GCNT4: variants seen among roughly 807,000 people sequenced by gnomAD.
GCNT4 encodes the protein glucosaminyl (N-acetyl) transferase 4, also known as beta-1,3-galactosyl-O-glycosyl-glycoprotein beta-1,6-N-acetylglucosaminyltransferase 4.
GCNT4 carries 17 observed loss-of-function variants against 31.3 expected under a neutral mutation model. The observed-to-expected ratio is 0.54, with a 90% CI of 0.37 to 0.81. The LOEUF (loss-of-function observed/expected upper bound fraction) is 0.81, where lower values mean the gene tolerates loss of function less well. Ranked by LOEUF, GCNT4 falls within the 40% of genes least tolerant of loss-of-function variation. GCNT4 has a pLI of 0.00. For synonymous variants in GCNT4, 158 were observed against 190.6 expected (o/e 0.83, Z 1.41); for missense variants, 503 against 525.5 (o/e 0.96, Z 0.42).
intron 3 of GCNT4, among the ~76,000 whole-genome samples, chr5:75,045,116 T>C (rs879867106): frequency 6.6e-6 from 1 of 152,234 alleles, no homozygotes; most frequent in African/African-American, 2.4e-5. Flanking sequence ...TATTCTTTTT[T>C]TCTATTATGG....
chr5:75,030,168 T>C, intron 3 of GCNT4, 130 bp from the exon 4 acceptor site: 3 of 821,638 alleles, frequency 3.7e-6, no homozygotes, highest in Admixed American at 2.8e-5. Flanking sequence ...ACAAGGTTTT[T>C]ACCCTTGAAA....
intron 2 of GCNT4, among the ~76,000 whole-genome samples, chr5:75,050,177 C>A (rs558157771): frequency 6.6e-6 from 1 of 152,200 alleles, no homozygotes; most frequent in Non-Finnish European, 1.5e-5. Context: ...ATCTCTGTTG[C>A]GTGATTATCA....
Position 75,029,386 on chromosome 5 carries a change from T to C in GCNT4, c.652A>G (p.Ile218Val), listed in dbSNP as rs773936114. Reference protein sequence around the residue: ...NCLSDLLKSSIQWKYVINLCG... With the variant: ...NCLSDLLKSSVQWKYVINLCG... ...AAGTTGATAACATATTTCCACTGGA[T>C]TGAAGACTTCAGAAGGTCCGACAAG... Residue 218 changes from isoleucine to valine, a missense_variant, in exon 4 of 4, where the codon ATC becomes GTC. Ile to Val is a conservative substitution (Grantham distance 29). Coordinates refer to ENST00000652361, the MANE Select transcript of GCNT4 (RefSeq NM_001366737.1). 30 of 1,614,074 alleles carry C rather than the reference T, an allele frequency of 1.9e-5. No individual in the cohort carries two copies. The highest frequency in any genetic ancestry group is 2.4e-5 in the Non-Finnish European group (28 of 1,180,046).
At chr5:75,046,313 A>G (rs2149975276) in intron 3 of GCNT4, among the ~76,000 whole-genome samples, 1 of 152,314 alleles carries the variant, frequency 6.6e-6, no homozygotes, top group Non-Finnish European at 1.5e-5. Context: ...CCACTGAGGT[A>G]GAATGTGGGG....
chr5:75,034,899 C>A (rs1319265845), intron 3 of GCNT4, among the ~76,000 whole-genome samples: 1 of 152,214 alleles, frequency 6.6e-6, no homozygotes, highest in Non-Finnish European at 1.5e-5. Context: ...CACAGAGGTG[C>A]ACCCCAGCTA....
the GCNT4 span, among the ~76,000 whole-genome samples, chr5:75,020,274 C>T: frequency 2.6e-5 from 4 of 152,302 alleles, no homozygotes; most frequent in African/African-American, 9.6e-5. Context: ...TTTGGCATGG[C>T]ACGGCACGGC....
In GCNT4 at chr5:75,026,371, G is replaced by A. The variant is rs565268975; in HGVS notation, c.*2305C>T. 2 of 152,214 alleles carry A rather than the reference G, an allele frequency of 1.3e-5. No homozygotes were observed. Among genetic ancestry groups the A allele is most frequent in the South Asian group, 4.1e-4 (2 of 4,826 alleles). The allele number at this position is 152,214 out of a possible 1,614,324, so 9.4% of individuals were successfully genotyped here. The stretch of plus-strand genomic sequence containing the variant: ...GTATTTGTAGCCCCATTCTCAATGT[G>A]TCACTGTACCAACCTGTAACCCTAT... On this transcript the variant is annotated 3_prime_UTR_variant, in exon 4 of 4. Coordinates refer to ENST00000652361, the MANE Select transcript of GCNT4 (RefSeq NM_001366737.1).
chr5:75,035,658 CCCA>C (rs1743180062), intron 3 of GCNT4, among the ~76,000 whole-genome samples: 1 of 152,210 alleles, frequency 6.6e-6, no homozygotes, highest in Non-Finnish European at 1.5e-5. Flanking sequence ...GGTGTGACCT[CCCA>C]ACCGGGGTCT....
At position 75,029,816 on chromosome 5, in the gene GCNT4, C is replaced by G. The variant is rs200357929; in HGVS notation, c.222G>C (p.Ser74=). 10 of 1,613,924 alleles carry G rather than the reference C, an allele frequency of 6.2e-6. No homozygotes were observed. In the African/African-American group the frequency reaches 1.3e-4, roughly 22 times the overall value. ...KDEVRYEVNC[S]GIYEQEPLEI... ...CCAAAGGCTCCTGTTCATAGATACC[C>G]GAACAGTTAACTTCATACCTGACTT... Residue 74 remains serine (S), a synonymous_variant, in exon 4 of 4, where the codon TCG becomes TCC. Transcript: ENST00000652361.
chr5:75,051,843 C>A (rs976579218), intron 2 of GCNT4, among the ~76,000 whole-genome samples: 1 of 152,174 alleles, frequency 6.6e-6, no homozygotes, highest in African/African-American at 2.4e-5. Context: ...GCAGGAAACT[C>A]CTTTCAGTCT....
intron 3 of GCNT4, among the ~76,000 whole-genome samples, chr5:75,044,981 T>C (rs1222056616): frequency 6.6e-6 from 1 of 152,234 alleles, no homozygotes; most frequent in Non-Finnish European, 1.5e-5. Context: ...TTTTGAATAT[T>C]TTTTAGGTCT....
At chr5:75,053,552 C>T (rs908235757), upstream of GCNT4, among the ~76,000 whole-genome samples, 1 of 152,124 alleles carries the variant, frequency 6.6e-6, no homozygotes, top group Non-Finnish European at 1.5e-5. Context: ...GGGGTCCGTG[C>T]GGCTGCGGAG....
At chr5:75,021,857 T>A (rs1021498227), downstream of GCNT4, among the ~76,000 whole-genome samples, 9 of 152,192 alleles carry the variant, frequency 5.9e-5, no homozygotes, top group African/African-American at 1.9e-4. Flanking sequence ...GATTTTGATG[T>A]CTTTCACACC....
chr5:75,052,800 G>GAAGCGGC (rs1296316293), upstream of GCNT4: 1 of 152,294 alleles, frequency 6.6e-6, no homozygotes, highest in East Asian at 1.9e-4. Flanking sequence ...GGGCTGCGGA[G>GAAGCGGC]AAGCGGCAAG....
chr5:75,031,314 C>A (rs757108278), intron 3 of GCNT4, among the ~76,000 whole-genome samples: 5 of 152,140 alleles, frequency 3.3e-5, no homozygotes, highest in Non-Finnish European at 7.4e-5. Flanking sequence ...TCAAGTGATC[C>A]TCCTACTTCA....
Position 75,026,816 on chromosome 5 carries a change from T to C in GCNT4, c.*1860A>G, listed in dbSNP as rs1371462978. ...GGATCTTTTGCAGAACTTGGCTCTA[T>C]ACAATGTTTACTTATTTTGAAGAAT... On this transcript the variant is annotated 3_prime_UTR_variant, in exon 4 of 4. Transcript: ENST00000652361. 3 of 152,118 alleles carry C rather than the reference T, an allele frequency of 2.0e-5. No homozygotes were observed. The highest frequency in any genetic ancestry group is 1.9e-4 in the East Asian group (1 of 5,200). 9.4% of individuals were successfully genotyped at this position (152,118 alleles called of 1,614,324 possible). A position where few individuals can be genotyped will look rare whatever the true frequency, so the allele number is the denominator to read the frequency against.
chr5:75,026,647 CAAAAAAAAAAAAA>C lies in GCNT4; in HGVS notation c.*2016_*2028del, dbSNP rs547466422. The C allele has an allele frequency of 9.1e-5, 6 of 65,782 alleles. No individual in the cohort carries two copies. The East Asian group carries it at 1.6e-3, about 17-fold the overall frequency. 4.1% of individuals were successfully genotyped at this position (65,782 alleles called of 1,614,324 possible). On this transcript the variant is annotated 3_prime_UTR_variant, in exon 4 of 4. Transcript: ENST00000652361. ...CATATACTATTTCAATCGATTCTCA[CAAAAAAAAAAAAA>C]AAAAAAAAAAAACACTTGTGTGGAA... is the stretch of plus-strand genomic sequence containing the variant.
chr5:75,020,379 G>C (rs890921215), downstream of GCNT4, among the ~76,000 whole-genome samples: 1 of 152,164 alleles, frequency 6.6e-6, no homozygotes, highest in African/African-American at 2.4e-5. Flanking sequence ...GCAGACAGAG[G>C]GGGAGCCAGG....
intron 3 of GCNT4, among the ~76,000 whole-genome samples, chr5:75,033,673 ATTTTTTTT>A (rs772607869): frequency 0.093 from 13,515 of 145,482 alleles, 672 homozygotes; most frequent in Middle Eastern, 0.11. Flanking sequence ...TTATTTATTT[ATTTTTTTT>A]TTTTTACTTT....
Sources: gnomAD v4.1 joint callset for allele counts (sites outside exome capture counted in the v4.1 genomes callset) on GRCh38, gnomAD v4.1.1 for gene constraint, MANE v1.5 for transcripts, NCBI Gene and HGNC (gene_info 2026-07-23, HGNC 2026-07-21) for gene names.